HPSE2: variants seen among roughly 807,000 people sequenced by gnomAD.
HPSE2 encodes heparanase 2 (inactive).
In HPSE2, 38 loss-of-function variants were observed where a neutral mutation model predicts 60.5. That is an observed-to-expected ratio of 0.63 (90% confidence interval 0.48 to 0.82). The LOEUF (loss-of-function observed/expected upper bound fraction) is 0.82, where lower values mean the gene tolerates loss of function less well. Among genes scored for constraint, HPSE2 ranks in the 40% least tolerant of loss-of-function variants. The pLI, the probability that HPSE2 is intolerant of heterozygous loss-of-function variation, is 0.00. For missense variants in HPSE2, 713 were observed against 740.4 expected, an observed-to-expected ratio of 0.96 and a Z score of 0.43; for synonymous variants, 295 against 293.2, an observed-to-expected ratio of 1.01 and a Z score of -0.06.
chr10:99,216,898 T>C (rs1450513738), intron 2 of HPSE2, among the ~76,000 whole-genome samples: 1 of 152,146 alleles, frequency 6.6e-6, no homozygotes, highest in Admixed American at 6.5e-5. Flanking sequence ...TTAATTACAA[T>C]CACATCTTTT....
intron 3 of HPSE2, among the ~76,000 whole-genome samples, chr10:99,132,222 AGAG>A (rs1564833155): frequency 2.2e-4 from 9 of 41,422 alleles, no homozygotes; most frequent in Admixed American, 2.7e-4. Flanking sequence ...AGAGAGAGAG[AGAG>A]AGAGAGAGAG....
At chr10:99,273,387 C>T in the HPSE2 span, among the ~76,000 whole-genome samples, 1 of 152,130 alleles carries the variant, frequency 6.6e-6, no homozygotes, top group Non-Finnish European at 1.5e-5. Flanking sequence ...CATAACCAAA[C>T]ACTACCTGTT....
intron 3 of HPSE2, among the ~76,000 whole-genome samples, chr10:98,749,274 T>A (rs909922742): frequency 6.6e-6 from 1 of 152,068 alleles, no homozygotes; most frequent in Non-Finnish European, 1.5e-5. Context: ...CATTAACTTA[T>A]TAAATTACTC....
intron 6 of HPSE2, among the ~76,000 whole-genome samples, chr10:98,645,998 CAAAG>C (rs1946759694): frequency 6.6e-6 from 1 of 152,110 alleles, no homozygotes; most frequent in African/African-American, 2.4e-5. Flanking sequence ...AACAAACAAA[CAAAG>C]AAAAACCCAT....
intron 3 of HPSE2, among the ~76,000 whole-genome samples, chr10:98,993,122 T>A (rs1956564692): frequency 6.6e-6 from 1 of 152,216 alleles, no homozygotes; most frequent in Admixed American, 6.5e-5. Flanking sequence ...AATTCCTAAA[T>A]ACTGTGATCA....
chr10:98,927,383 A>C (rs1954503829), intron 3 of HPSE2, among the ~76,000 whole-genome samples: 1 of 151,920 alleles, frequency 6.6e-6, no homozygotes, highest in South Asian at 2.1e-4. Context: ...GGGTAGGAAG[A>C]ATCAATATCG....
intron 9 of HPSE2, among the ~76,000 whole-genome samples, chr10:98,500,926 G>A (rs1439394590): frequency 6.6e-6 from 1 of 151,980 alleles, no homozygotes; most frequent in Non-Finnish European, 1.5e-5. Flanking sequence ...ACACCTTTAT[G>A]CACATAAACT....
chr10:98,856,545 G>A (rs568952722), intron 3 of HPSE2, among the ~76,000 whole-genome samples: 1 of 152,192 alleles, frequency 6.6e-6, no homozygotes, highest in South Asian at 2.1e-4. Flanking sequence ...AGATTTATTA[G>A]GGACCATGCA....
At chr10:98,490,928 G>A (rs747993006) in intron 9 of HPSE2, among the ~76,000 whole-genome samples, 2 of 152,118 alleles carry the variant, frequency 1.3e-5, no homozygotes, top group Non-Finnish European at 2.9e-5. Context: ...CTTAATTTCT[G>A]TTGCATTTGC....
chr10:98,592,674 C>T (rs1006831519), intron 9 of HPSE2, among the ~76,000 whole-genome samples: 3 of 152,144 alleles, frequency 2.0e-5, no homozygotes, highest in African/African-American at 7.2e-5. Flanking sequence ...GAAATTTAAT[C>T]CACATGCTTA....
the HPSE2 span, among the ~76,000 whole-genome samples, chr10:99,299,257 T>C: frequency 1.3e-5 from 2 of 152,114 alleles, no homozygotes; most frequent in African/African-American, 4.8e-5. Context: ...CCCCATTGCC[T>C]GAGGAAGTAA....
At chr10:99,277,070 T>C in the HPSE2 span, among the ~76,000 whole-genome samples, 26 of 152,148 alleles carry the variant, frequency 1.7e-4, no homozygotes, top group Non-Finnish European at 2.1e-4. Flanking sequence ...ATCTTGTGGG[T>C]TTTTATCTAA....
chr10:98,630,937 T>C (rs886443582), intron 7 of HPSE2, among the ~76,000 whole-genome samples: 1 of 152,224 alleles, frequency 6.6e-6, no homozygotes, highest in East Asian at 1.9e-4. Context: ...CAACTTCTGG[T>C]TGGCTAAACT....
intron 3 of HPSE2, among the ~76,000 whole-genome samples, chr10:99,102,766 T>G (rs2135648628): frequency 6.6e-6 from 1 of 152,108 alleles, no homozygotes; most frequent in African/African-American, 2.4e-5. Context: ...CAGCAGCACA[T>G]CAAAAAGCTT....
chr10:99,069,780 G>A (rs1013926035), intron 3 of HPSE2, among the ~76,000 whole-genome samples: 22 of 151,530 alleles, frequency 1.5e-4, no homozygotes, highest in Admixed American at 4.6e-4. Flanking sequence ...CACATTGTTC[G>A]TGTTTGTTCT....
Position 98,522,320 on chromosome 10 carries a change from G to T in HPSE2, c.1321-32124C>A, listed in dbSNP as rs182732039. On this transcript the variant is annotated intron_variant, in intron 9 of 11. Transcript: ENST00000370552. ...AAGAATCAGGCTGTGGAGAGATAGA[G>T]AATCTTTGTTCCCCACCATCCACTA... Among the ~76,000 whole-genome samples the T allele has an allele frequency of 1.7e-4, 26 of 151,856 alleles. 1 individual carries two copies. In the South Asian group the frequency reaches 2.5e-3, roughly 15 times the overall value.
At chr10:98,826,698 C>T (rs749760057) in intron 3 of HPSE2, among the ~76,000 whole-genome samples, 17 of 152,114 alleles carry the variant, frequency 1.1e-4, no homozygotes, top group Admixed American at 3.3e-4. Flanking sequence ...GAAATGAGGC[C>T]CCTAGGCTTC....
chr10:98,877,350 T>C lies in HPSE2; in HGVS notation c.611-133294A>G, dbSNP rs540815756. Among the ~76,000 whole-genome samples, 3 of 152,042 alleles carry C rather than the reference T, an allele frequency of 2.0e-5. No individual in the cohort carries two copies. The East Asian group carries it at 5.8e-4, about 29-fold the overall frequency. On this transcript the variant is annotated intron_variant, in intron 3 of 11. Coordinates refer to ENST00000370552, the MANE Select transcript of HPSE2 (RefSeq NM_021828.5). ...TTTTTTTTGTAAGCCATCTATAATC[T>C]TACTTGGAAGCAAGAAGTACTAGAA...
the HPSE2 span, among the ~76,000 whole-genome samples, chr10:99,247,744 C>T: frequency 6.6e-6 from 1 of 152,164 alleles, no homozygotes; most frequent in Non-Finnish European, 1.5e-5. Flanking sequence ...ATGTGGAATT[C>T]TAATCCCCAA....
Sources: gnomAD v4.1 joint callset for allele counts (sites outside exome capture counted in the v4.1 genomes callset) on GRCh38, gnomAD v4.1.1 for gene constraint, MANE v1.5 for transcripts, NCBI Gene and HGNC (gene_info 2026-07-23, HGNC 2026-07-21) for gene names.